The following PTPRD variants were observed in gnomAD, a reference collection of about 807,000 sequenced individuals.
PTPRD encodes protein tyrosine phosphatase receptor type D.
In PTPRD, 34 loss-of-function variants were observed where a neutral mutation model predicts 214.5. The ratio of observed to expected loss-of-function variants is 0.16; its 90% CI spans 0.12 to 0.21. The LOEUF (loss-of-function observed/expected upper bound fraction) is 0.21. Among genes scored for constraint, PTPRD ranks in the 10% least tolerant of loss-of-function variants. The pLI is 1.00. For synonymous variants in PTPRD, 1,128 were observed against 845.7 expected (o/e 1.33, Z -5.79); for missense variants, 2,545 against 2,398.7 (o/e 1.06, Z -1.27).
intron 39 of PTPRD, among the ~76,000 whole-genome samples, chr9:8,368,469 G>A (rs750635707): frequency 2.8e-4 from 42 of 152,058 alleles, no homozygotes; most frequent in Non-Finnish European, 5.0e-4. Context: ...TCATCAAATA[G>A]ACCTGATATA....
intron 11 of PTPRD, among the ~76,000 whole-genome samples, chr9:8,792,058 G>A (rs757983153): frequency 9.2e-5 from 14 of 152,022 alleles, no homozygotes; most frequent in East Asian, 5.8e-4. Flanking sequence ...TCTTAAGGGC[G>A]GAAAAAAAGC....
chr9:9,115,841 G>A (rs898537007), intron 10 of PTPRD, among the ~76,000 whole-genome samples: 11 of 152,030 alleles, frequency 7.2e-5, no homozygotes, highest in Admixed American at 6.6e-4. Flanking sequence ...CATCAATAGT[G>A]GATTTGATAT....
intron 39 of PTPRD, among the ~76,000 whole-genome samples, chr9:8,359,955 T>C (rs1434690040): frequency 6.6e-6 from 1 of 152,192 alleles, no homozygotes; most frequent in Non-Finnish European, 1.5e-5. Flanking sequence ...GCTCCTCCCA[T>C]TGCTTACTGC....
chr9:8,681,210 C>T (rs2097543263), intron 12 of PTPRD, among the ~76,000 whole-genome samples: 1 of 152,056 alleles, frequency 6.6e-6, no homozygotes, highest in Admixed American at 6.6e-5. Context: ...TGTAGATGAA[C>T]TCTTTTAGAT....
At chr9:10,083,965 G>C (rs1286318869) in intron 3 of PTPRD, among the ~76,000 whole-genome samples, 3 of 151,918 alleles carry the variant, frequency 2.0e-5, no homozygotes, top group African/African-American at 4.8e-5. Context: ...CACCTGAATA[G>C]AGAACTAGGC....
Position 10,492,061 on chromosome 9 carries a change from G to A in PTPRD, c.-600+120337C>T, listed in dbSNP as rs113474451. ...TGTGAACTCATTGTTTTTTATGGCT[G>A]CATAGTATTCCATCGTGTACATGTG... On this transcript the variant is annotated intron_variant, in intron 2 of 45. Coordinates refer to ENST00000381196, the MANE Select transcript of PTPRD (RefSeq NM_002839.4). Among the ~76,000 whole-genome samples the A allele has an allele frequency of 5.8e-3, 876 of 152,196 alleles. 6 individuals are homozygous for A. The highest frequency in any genetic ancestry group is 0.02 in the African/African-American group (845 of 41,480).
rs200847027 is a variant in PTPRD at position 8,504,321 on chromosome 9, G to A, written c.1762C>T (p.Arg588Cys). The change falls in exon 23 of 46, where the codon CGC (arginine) becomes TGC (cysteine). Residue 588 changes from arginine (R) to cysteine (C), a missense_variant. Physicochemically the swap from Arg to Cys is radical, Grantham distance 180. Coordinates refer to ENST00000381196, the MANE Select transcript of PTPRD (RefSeq NM_002839.4). ...NSLYYFRLAA[R>C]SPQGLGASTA... ...GAAGCACCCAGGCCTTGAGGGGAGC[G>A]TGCAGCCAGACGGAAATAGTATAAG... is the stretch of plus-strand genomic sequence containing the variant. 1.5e-4 allele frequency: 245 copies of A among 1,614,102 alleles called. No individual in the cohort carries two copies. Among genetic ancestry groups the A allele is most frequent in the East Asian group, 2.7e-4 (12 of 44,884 alleles).
At chr9:10,611,907 C>A (rs1391604075) in intron 2 of PTPRD, among the ~76,000 whole-genome samples, 1 of 29,416 alleles carries the variant, frequency 3.4e-5, no homozygotes, top group Non-Finnish European at 7.5e-5. Flanking sequence ...CCTTTTCCGC[C>A]CCCCCCCCCT....
intron 11 of PTPRD, among the ~76,000 whole-genome samples, chr9:8,921,029 G>T (rs2098823928): frequency 6.6e-6 from 1 of 152,140 alleles, no homozygotes; most frequent in Admixed American, 6.5e-5. Flanking sequence ...GGCCAGGCTG[G>T]TCTTGAATTC....
chr9:9,581,689 C>G (rs2154314707), intron 7 of PTPRD, among the ~76,000 whole-genome samples: 1 of 152,174 alleles, frequency 6.6e-6, no homozygotes, highest in Middle Eastern at 3.4e-3. Flanking sequence ...AAAATCTTCT[C>G]AACGTCTTAA....
chr9:9,660,845 T>G (rs1342058907), intron 7 of PTPRD, among the ~76,000 whole-genome samples: 1 of 151,994 alleles, frequency 6.6e-6, no homozygotes, highest in Non-Finnish European at 1.5e-5. Context: ...CTTCTCATTA[T>G]TATAAACTCA....
At chr9:9,374,789 G>C (rs2060363060) in intron 9 of PTPRD, among the ~76,000 whole-genome samples, 4 of 152,052 alleles carry the variant, frequency 2.6e-5, no homozygotes. Flanking sequence ...TCTTACATTG[G>C]GCAAGGTCTG....
intron 11 of PTPRD, among the ~76,000 whole-genome samples, chr9:8,952,939 A>G (rs2099110896): frequency 7.2e-6 from 1 of 139,560 alleles, no homozygotes; most frequent in African/African-American, 2.5e-5. Context: ...CTGTCCAAGC[A>G]ACTTTCAGTA....
intron 7 of PTPRD, among the ~76,000 whole-genome samples, chr9:9,686,656 A>G (rs1384909912): frequency 6.6e-6 from 1 of 151,694 alleles, no homozygotes; most frequent in African/African-American, 2.4e-5. Flanking sequence ...CAATTTATCA[A>G]ATTCTACCCT....
intron 8 of PTPRD, among the ~76,000 whole-genome samples, chr9:9,523,825 A>T (rs1411062567): frequency 6.6e-6 from 1 of 152,110 alleles, no homozygotes; most frequent in East Asian, 1.9e-4. Context: ...CATATTTCTC[A>T]GAAGGAATTG....
intron 14 of PTPRD, among the ~76,000 whole-genome samples, chr9:8,587,206 G>T (rs1460587091): frequency 6.6e-6 from 1 of 152,056 alleles, no homozygotes; most frequent in Non-Finnish European, 1.5e-5. Flanking sequence ...TAAGAGACCA[G>T]GGTTACACTT....
chr9:10,197,347 A>G (rs1593873181), intron 3 of PTPRD, among the ~76,000 whole-genome samples: 1 of 152,170 alleles, frequency 6.6e-6, no homozygotes, highest in African/African-American at 2.4e-5. Context: ...GCAGCCATGT[A>G]TACCGAGGAT....
chr9:10,574,922 A>T (rs1462000560), intron 2 of PTPRD, among the ~76,000 whole-genome samples: 1 of 151,702 alleles, frequency 6.6e-6, no homozygotes, highest in Non-Finnish European at 1.5e-5. Flanking sequence ...ATTTAAGAAG[A>T]CTTTCTAAAA....
At chr9:8,436,773 T>C in intron 34 of PTPRD, 84 bp from the exon 35 acceptor site, 1 of 1,081,652 alleles carries the variant, frequency 9.2e-7, no homozygotes, top group Non-Finnish European at 1.4e-6. Flanking sequence ...AATACTATAG[T>C]TAGAAATGGC....
Sources: allele counts gnomAD v4.1 joint callset (sites outside exome capture counted in the v4.1 genomes callset), GRCh38; gene constraint gnomAD v4.1.1; transcripts MANE v1.5; gene names NCBI Gene and HGNC (gene_info 2026-07-23, HGNC 2026-07-21).